C18orf63: variants seen among roughly 807,000 people sequenced by gnomAD.
C18orf63 encodes the protein chromosome 18 open reading frame 63.
A neutral mutation model predicts 75.3 loss-of-function variants in C18orf63; 50 were observed. That is an observed-to-expected ratio of 0.66 (90% CI 0.53 to 0.84). The LOEUF (loss-of-function observed/expected upper bound fraction) is 0.84. C18orf63 is among the 40% of genes least tolerant of loss of function. C18orf63 has a pLI of 0.00. For synonymous variants in C18orf63, 232 were observed against 267.6 expected (o/e 0.87, Z 1.30); for missense variants, 732 against 800.2 (o/e 0.91, Z 1.03).
intron 11 of C18orf63, among the ~76,000 whole-genome samples, chr18:74,350,654 C>A (rs1025347398): frequency 6.6e-6 from 1 of 152,082 alleles, no homozygotes; most frequent in Non-Finnish European, 1.5e-5. Flanking sequence ...AATACAAACC[C>A]CTTCTTGATG....
intron 7 of C18orf63, among the ~76,000 whole-genome samples, chr18:74,331,151 C>T (rs1163171971): frequency 6.6e-6 from 1 of 152,106 alleles, no homozygotes; most frequent in Non-Finnish European, 1.5e-5. Context: ...GTCCATTTAA[C>T]ACAGGTCTTC....
At chr18:74,328,686 A>G (rs1984249542) in intron 5 of C18orf63, among the ~76,000 whole-genome samples, 1 of 152,188 alleles carries the variant, frequency 6.6e-6, no homozygotes, top group African/African-American at 2.4e-5. Context: ...GTATGATAAA[A>G]TGAGCACAAT....
chr18:74,333,013 G>A (rs749825050), intron 7 of C18orf63, among the ~76,000 whole-genome samples: 2 of 152,082 alleles, frequency 1.3e-5, no homozygotes, highest in Non-Finnish European at 2.9e-5. Context: ...GTATTACTTG[G>A]GTGAGATTAT....
At chr18:74,344,624 T>C (rs1984542547) in intron 11 of C18orf63, among the ~76,000 whole-genome samples, 1 of 152,234 alleles carries the variant, frequency 6.6e-6, no homozygotes, top group East Asian at 1.9e-4. Context: ...TCCTTAAACA[T>C]CATATTTCAT....
intron 7 of C18orf63, among the ~76,000 whole-genome samples, chr18:74,332,733 G>A (rs1984330844): frequency 1.4e-5 from 2 of 147,538 alleles, no homozygotes; most frequent in Non-Finnish European, 1.5e-5. Flanking sequence ...AAAAAAAAAA[G>A]GCTCCATCTC....
intron 11 of C18orf63, among the ~76,000 whole-genome samples, chr18:74,347,826 A>G (rs1984599164): frequency 6.6e-6 from 1 of 152,228 alleles, no homozygotes. Flanking sequence ...TCAAAGATAC[A>G]TAAAGGAAAT....
At chr18:74,328,291 C>A (rs961603120) in intron 5 of C18orf63, among the ~76,000 whole-genome samples, 2 of 152,154 alleles carry the variant, frequency 1.3e-5, no homozygotes, top group African/African-American at 4.8e-5. Flanking sequence ...AGAGCATGCT[C>A]ATGGGAACTC....
chr18:74,341,230 C>T (rs1450319835), intron 8 of C18orf63, among the ~76,000 whole-genome samples: 2 of 142,442 alleles, frequency 1.4e-5, no homozygotes, highest in African/African-American at 5.3e-5. Flanking sequence ...GAGATCCCGC[C>T]ACTGCACTCC....
At chr18:74,354,895 A>G (rs997432433) in intron 13 of C18orf63, among the ~76,000 whole-genome samples, 2 of 152,192 alleles carry the variant, frequency 1.3e-5, no homozygotes, top group Admixed American at 1.3e-4. Context: ...ACTTTTTGGG[A>G]TACCTACCCA....
chr18:74,336,448 ACTTTT>A (rs1180286527), intron 7 of C18orf63, among the ~76,000 whole-genome samples: 1 of 152,118 alleles, frequency 6.6e-6, no homozygotes, highest in Admixed American at 6.5e-5. Flanking sequence ...TATTTTTCAC[ACTTTT>A]CTTCTTGAAA....
chr18:74,323,946 G>T (rs1482616222), intron 4 of C18orf63, among the ~76,000 whole-genome samples: 1 of 152,140 alleles, frequency 6.6e-6, no homozygotes, highest in East Asian at 1.9e-4. Context: ...GTGTGTGTTT[G>T]CCCTGCAATG....
chr18:74,356,287 G>A (rs1599011786), intron 13 of C18orf63, among the ~76,000 whole-genome samples, 194 bp from the exon 14 acceptor site: 1 of 151,618 alleles, frequency 6.6e-6, no homozygotes, highest in Admixed American at 6.6e-5. Context: ...TCTTCTATCT[G>A]TCAACGCCCT....
At chr18:74,355,016 C>T (rs1457668448) in intron 13 of C18orf63, among the ~76,000 whole-genome samples, 2 of 152,180 alleles carry the variant, frequency 1.3e-5, no homozygotes, top group East Asian at 3.8e-4. Context: ...TAATAATGCC[C>T]AGTTCATGGC....
chr18:74,343,714 C>T lies in C18orf63; in HGVS notation c.978+12C>T. ...AACCTAATATACAGGTAAGAGATCTCTTGTCCTATCTAGTTCTCCAAGACA... is the reference window on the plus strand; with the variant it reads ...AACCTAATATACAGGTAAGAGATCTTTTGTCCTATCTAGTTCTCCAAGACA... On this transcript the variant is annotated intron_variant, in intron 11 of 13. Coordinates refer to ENST00000579455, the MANE Select transcript of C18orf63 (RefSeq NM_001174123.2). The T allele has an allele frequency of 1.4e-6, 2 of 1,455,700 alleles. No homozygotes were observed. The highest frequency in any genetic ancestry group is 1.8e-6 in the Non-Finnish European group (2 of 1,100,530). 90.2% of individuals were successfully genotyped at this position (1,455,700 alleles called of 1,614,324 possible).
At chr18:74,346,182 T>G (rs1443357782) in intron 11 of C18orf63, among the ~76,000 whole-genome samples, 1 of 152,186 alleles carries the variant, frequency 6.6e-6, no homozygotes, top group Admixed American at 6.5e-5. Flanking sequence ...TATTTTAATA[T>G]GTATTTATTA....
chr18:74,349,675 C>G (rs1015783332), intron 11 of C18orf63, among the ~76,000 whole-genome samples: 2 of 152,096 alleles, frequency 1.3e-5, no homozygotes, highest in Admixed American at 1.3e-4. Flanking sequence ...CCATCCCCCC[C>G]ACCACCCCGG....
chr18:74,322,023 T>C (rs1984132742), intron 3 of C18orf63, among the ~76,000 whole-genome samples: 1 of 152,244 alleles, frequency 6.6e-6, no homozygotes, highest in African/African-American at 2.4e-5. Context: ...TACTTTCCAG[T>C]GCACATCTGA....
chr18:74,342,368 C>T (rs962520839), intron 10 of C18orf63, 42 bp downstream of exon 10: 2 of 1,192,210 alleles, frequency 1.7e-6, no homozygotes, highest in Non-Finnish European at 2.4e-6. Flanking sequence ...TGTCTGCCCA[C>T]CTTATAATCT....
chr18:74,338,886 C>A, intron 8 of C18orf63, 62 bp downstream of exon 8: 1 of 604,762 alleles, frequency 1.7e-6, no homozygotes, highest in Non-Finnish European at 2.5e-6. Flanking sequence ...CCTTATTTTG[C>A]TTTCTTAACA....
Sources: allele counts gnomAD v4.1 joint callset (sites outside exome capture counted in the v4.1 genomes callset), GRCh38; gene constraint gnomAD v4.1.1; transcripts MANE v1.5; gene names NCBI Gene and HGNC (gene_info 2026-07-23, HGNC 2026-07-21).